Variants in MAML3 observed in about 807,000 individuals in gnomAD.
The protein encoded by MAML3 is mastermind-like protein 3.
Under a neutral mutation model 101.9 loss-of-function variants are expected in MAML3, and 27 were observed. The ratio of observed to expected loss-of-function variants is 0.27; its 90% CI spans 0.20 to 0.37. MAML3 has a LOEUF of 0.37. Among genes scored for constraint, MAML3 ranks in the 10% least tolerant of loss-of-function variants. MAML3 has a pLI of 1.00. For synonymous variants in MAML3, 501 were observed against 555.9 expected, an observed-to-expected ratio of 0.90 and a Z score of 1.39; for missense variants, 1,316 against 1,444.9, an observed-to-expected ratio of 0.91 and a Z score of 1.45.
At chr4:139,750,768 T>G (rs1028118598) in intron 2 of MAML3, among the ~76,000 whole-genome samples, 5 of 152,360 alleles carry the variant, frequency 3.3e-5, no homozygotes, top group South Asian at 4.1e-4. Context: ...TTTCAAAAGT[T>G]AGCGATAGAT....
intron 1 of MAML3, among the ~76,000 whole-genome samples, chr4:140,032,910 G>A (rs1176017641): frequency 6.7e-6 from 1 of 148,494 alleles, no homozygotes; most frequent in African/African-American, 2.5e-5. Context: ...GTGAGAGAAT[G>A]CAACTGGCTG....
intron 1 of MAML3, among the ~76,000 whole-genome samples, chr4:139,951,823 G>C (rs189451942): frequency 2.7e-4 from 41 of 152,044 alleles, no homozygotes; most frequent in African/African-American, 9.4e-4. Context: ...TAGTATTAAG[G>C]GGGGCCAAGG....
intron 2 of MAML3, among the ~76,000 whole-genome samples, chr4:139,758,732 C>T (rs535736690): frequency 6.6e-6 from 1 of 152,344 alleles, no homozygotes; most frequent in South Asian, 2.1e-4. Flanking sequence ...TTATCCATGT[C>T]ATCTGATGAC....
At chr4:139,743,959 A>G (rs1294749856) in intron 2 of MAML3, among the ~76,000 whole-genome samples, 1 of 152,186 alleles carries the variant, frequency 6.6e-6, no homozygotes, top group East Asian at 1.9e-4. Context: ...GGCCATCCCT[A>G]TGGCCATAGA....
intron 2 of MAML3, among the ~76,000 whole-genome samples, chr4:139,738,541 T>C (rs1373764637): frequency 6.6e-6 from 1 of 152,106 alleles, no homozygotes; most frequent in East Asian, 1.9e-4. Flanking sequence ...CGACACTCTG[T>C]CTCAAACAAA....
chr4:139,750,790 C>T (rs1019937978), intron 2 of MAML3, among the ~76,000 whole-genome samples: 1 of 152,230 alleles, frequency 6.6e-6, no homozygotes, highest in Non-Finnish European at 1.5e-5. Context: ...TTCATCCTAG[C>T]ATTTCTCATC....
At chr4:139,930,363 C>T (rs1347390788) in intron 1 of MAML3, among the ~76,000 whole-genome samples, 1 of 152,126 alleles carries the variant, frequency 6.6e-6, no homozygotes, top group African/African-American at 2.4e-5. Flanking sequence ...CGGATGAAGA[C>T]CGTTCGCTGG....
At chr4:139,884,046 T>C (rs1560823829) in intron 2 of MAML3, among the ~76,000 whole-genome samples, 1 of 152,034 alleles carries the variant, frequency 6.6e-6, no homozygotes, top group South Asian at 2.1e-4. Flanking sequence ...CACTCCCATA[T>C]AATTTTTTTG....
intron 1 of MAML3, among the ~76,000 whole-genome samples, chr4:140,074,209 GAA>G (rs1463571137): frequency 2.3e-5 from 3 of 130,108 alleles, no homozygotes; most frequent in Non-Finnish European, 3.4e-5. Context: ...GAGAAAGAAA[GAA>G]AGAAAGAAAG....
chr4:139,817,973 G>A (rs1010041156), intron 2 of MAML3, among the ~76,000 whole-genome samples: 2 of 152,198 alleles, frequency 1.3e-5, no homozygotes, highest in East Asian at 3.8e-4. Context: ...TCATCTGCTG[G>A]TATAGTGGTT....
intron 2 of MAML3, among the ~76,000 whole-genome samples, chr4:139,766,322 C>T (rs1376694664): frequency 2.6e-5 from 4 of 152,170 alleles, no homozygotes; most frequent in African/African-American, 9.7e-5. Context: ...CAGGCGCCCA[C>T]CACCATGCCC....
rs557958569 is a variant in MAML3, at chr4:139,984,443, T to C, written c.469-93476A>G. ...GCATGGATACCAATTTCTGTGTTCCTTGCTTTGTATGAAAAAGTCAACATA... is the reference window on the plus strand; with the variant it reads ...GCATGGATACCAATTTCTGTGTTCCCTGCTTTGTATGAAAAAGTCAACATA... On this transcript the variant is annotated intron_variant, in intron 1 of 4. Coordinates refer to ENST00000509479, the MANE Select transcript of MAML3 (RefSeq NM_018717.5). Among the ~76,000 whole-genome samples, 14 of 152,134 alleles carry C rather than the reference T, an allele frequency of 9.2e-5. No individual in the cohort carries two copies. The South Asian group carries it at 2.9e-3, about 32-fold the overall frequency.
chr4:139,835,510 T>C (rs1235290661), intron 2 of MAML3, among the ~76,000 whole-genome samples: 1 of 152,230 alleles, frequency 6.6e-6, no homozygotes, highest in African/African-American at 2.4e-5. Flanking sequence ...AGGTTAAAAG[T>C]CCATTCTGGT....
intron 2 of MAML3, among the ~76,000 whole-genome samples, chr4:139,845,396 C>A (rs761558934): frequency 6.6e-6 from 1 of 152,086 alleles, no homozygotes; most frequent in Non-Finnish European, 1.5e-5. Flanking sequence ...TGAATCAGGT[C>A]AAACTGGCAG....
At chr4:139,903,892 C>G (rs1038837033) in intron 1 of MAML3, among the ~76,000 whole-genome samples, 1 of 152,186 alleles carries the variant, frequency 6.6e-6, no homozygotes, top group Non-Finnish European at 1.5e-5. Context: ...ATCTAGGTAT[C>G]CTCACATGGC....
chr4:139,771,964 G>A (rs1296067137), intron 2 of MAML3, among the ~76,000 whole-genome samples: 16 of 151,556 alleles, frequency 1.1e-4, no homozygotes, highest in African/African-American at 3.4e-4. Context: ...AAAAGTCCGG[G>A]CGCGGTGGCT....
At chr4:139,730,884 GCT>G (rs139783952) in intron 2 of MAML3, 41,485 of 586,150 alleles carry the variant, frequency 0.071, 1,815 homozygotes, top group East Asian at 0.093. Flanking sequence ...AGAGAGCATG[GCT>G]CTGGGAAGTC....
intron 2 of MAML3, among the ~76,000 whole-genome samples, chr4:139,841,191 T>C (rs1731354549): frequency 6.6e-6 from 1 of 152,226 alleles, no homozygotes; most frequent in South Asian, 2.1e-4. Context: ...TTACTTAGCT[T>C]ACTTCCACAT....
At chr4:139,779,135 A>G (rs1004333709) in intron 2 of MAML3, among the ~76,000 whole-genome samples, 2 of 152,190 alleles carry the variant, frequency 1.3e-5, no homozygotes, top group African/African-American at 4.8e-5. Context: ...CACACATACA[A>G]TGGCTGACCA....
Sources: allele counts gnomAD v4.1 joint callset (sites outside exome capture counted in the v4.1 genomes callset), GRCh38; gene constraint gnomAD v4.1.1; transcripts MANE v1.5; gene names NCBI Gene and HGNC (gene_info 2026-07-23, HGNC 2026-07-21).